Variants in ECD observed in about 807,000 individuals in gnomAD.
ECD encodes the protein ecdysoneless cell cycle regulator.
ECD carries 59 observed loss-of-function variants against 77.2 expected under a neutral mutation model. That is an observed-to-expected ratio of 0.76 (90% CI 0.62 to 0.95). The LOEUF is 0.95. Ranked by LOEUF, ECD falls within the 40% of genes least tolerant of loss-of-function variation. The pLI, the probability that ECD is intolerant of heterozygous loss-of-function variation, is 0.00. For missense variants in ECD, 704 were observed against 763.4 expected, an observed-to-expected ratio of 0.92 and a Z score of 0.92; for synonymous variants, 233 against 267.4, an observed-to-expected ratio of 0.87 and a Z score of 1.26.
intron 9 of ECD, chr10:73,141,633 G>A (rs1205696900): frequency 1.3e-5 from 2 of 152,236 alleles, no homozygotes; most frequent in African/African-American, 4.8e-5. Flanking sequence ...TTCAACCTTA[G>A]TGAAAGTTTA....
In ECD at chr10:73,136,954, A is replaced by AATT. The variant is rs139531713; in HGVS notation, c.1490-39_1490-37dup. The AATT allele has an allele frequency of 3.9e-4, 384 of 992,434 alleles. 1 individual carries two copies. The East Asian group carries it at 8.2e-3, about 21-fold the overall frequency. 61.5% of individuals were successfully genotyped at this position (992,434 alleles called of 1,614,324 possible). A position where few individuals can be genotyped will look rare whatever the true frequency, so the allele number is the denominator to read the frequency against. ...CCCAAGAAAGAAAGAGCCACTTAGT[A>AATT]ATTATTATTATTATTATTATTATTA... On this transcript the variant is annotated intron_variant, in intron 12 of 13. Coordinates refer to ENST00000372979, the MANE Select transcript of ECD (RefSeq NM_007265.3).
chr10:73,143,172 G>T (rs1325390788), intron 9 of ECD, among the ~76,000 whole-genome samples: 1 of 152,112 alleles, frequency 6.6e-6, no homozygotes, highest in African/African-American at 2.4e-5. Flanking sequence ...TATAAATAAT[G>T]TATTGTTTTG....
intron 9 of ECD, among the ~76,000 whole-genome samples, chr10:73,141,641 T>C (rs1044753743): frequency 6.6e-6 from 1 of 152,212 alleles, no homozygotes; most frequent in Non-Finnish European, 1.5e-5. Flanking sequence ...TAGTGAAAGT[T>C]TATTACCTTC....
At chr10:73,153,208 C>T (rs1333795753) in intron 6 of ECD, among the ~76,000 whole-genome samples, 1 of 151,890 alleles carries the variant, frequency 6.6e-6, no homozygotes. Flanking sequence ...ATCCTCCTAC[C>T]TCAGCCTCCG....
rs370778375 is a variant in ECD at position 73,152,334 on chromosome 10, A to G, written c.871T>C (p.Ser291Pro). 8.1e-6 allele frequency: 13 copies of G among 1,613,804 alleles called. No homozygotes were observed. In the African/African-American group the frequency reaches 1.6e-4, roughly 20 times the overall value. ...RRSGYRLPPPSDPQYRAHELG... is the reference protein window; with the variant it reads ...RRSGYRLPPPPDPQYRAHELG... ...TCATGGGCTCGGTACTGGGGATCAG[A>G]TGGAGGAGGCAGCCTGTATCCACTC... The change falls in exon 7 of 14, where the codon TCT (serine) becomes CCT (proline). Residue 291 changes from serine to proline, a missense_variant. This residue lies in a region of ECD where 559 missense variants were observed against 583.7 expected (regional missense o/e 0.96). Transcript: ENST00000372979.
intron 7 of ECD, among the ~76,000 whole-genome samples, chr10:73,151,895 A>G (rs1843213059): frequency 6.6e-6 from 1 of 152,186 alleles, no homozygotes; most frequent in Non-Finnish European, 1.5e-5. Flanking sequence ...CCGTGCAGAA[A>G]TGCTTAATTT....
chr10:73,141,327 C>T (rs1320478120), intron 9 of ECD: 3 of 151,646 alleles, frequency 2.0e-5, no homozygotes, highest in East Asian at 3.9e-4. Flanking sequence ...CACAGTGAAA[C>T]CCCGTCTCTA....
In ECD at chr10:73,134,380, C is replaced by T. The variant is rs1842953967; in HGVS notation, c.*203G>A. 7.1e-6 allele frequency: 4 copies of T among 564,424 alleles called. No homozygotes were observed. Among genetic ancestry groups the T allele is most frequent in the East Asian group, 3.0e-5 (1 of 33,704 alleles). The allele number at this position is 564,424 out of a possible 1,614,324, so 35.0% of individuals were successfully genotyped here. Reference sequence around the variant, plus strand: ...GTCTAGGGGCTAGATTCTACCCTGCCGAGTTCAAAACCTGTGTATAACCCA... The same window carrying T: ...GTCTAGGGGCTAGATTCTACCCTGCTGAGTTCAAAACCTGTGTATAACCCA... On this transcript the variant is annotated 3_prime_UTR_variant, in exon 14 of 14. Coordinates refer to ENST00000372979, the MANE Select transcript of ECD (RefSeq NM_007265.3).
chr10:73,149,871 C>G (rs1449987020), intron 7 of ECD, among the ~76,000 whole-genome samples: 1 of 152,032 alleles, frequency 6.6e-6, no homozygotes, highest in Non-Finnish European at 1.5e-5. Context: ...ATTATCAAGC[C>G]GTTTGATACT....
chr10:73,154,321 G>C lies in ECD; in HGVS notation c.718C>G (p.Pro240Ala), dbSNP rs1843265825. Residue 240 changes from proline (P) to alanine (A), a missense_variant, in exon 6 of 14, where the codon CCT becomes GCT. Physicochemically the swap from Pro to Ala is conservative, Grantham distance 27. Transcript: ENST00000372979. ...AAVQAFYLRDPIDLRACRVFK... is the reference protein window; with the variant it reads ...AAVQAFYLRDAIDLRACRVFK... ...ACACGACAAGCTCGCAGGTCAATAG[G>C]GTCTCGTAGGTAAAATGCCTGGACT... 6.2e-7 allele frequency: 1 copy of C among 1,614,008 alleles called. No homozygotes were observed. The highest frequency in any genetic ancestry group is 2.2e-5 in the East Asian group (1 of 44,862).
chr10:73,151,529 TAAAA>T (rs61450651), intron 7 of ECD, among the ~76,000 whole-genome samples: 1 of 136,790 alleles, frequency 7.3e-6, no homozygotes, highest in Non-Finnish European at 1.6e-5. Context: ...AGCATAATAA[TAAAA>T]AAAAAAAGAA....
At position 73,139,486 on chromosome 10, in the gene ECD, C is replaced by T; in HGVS notation, c.1244G>A (p.Trp415Ter). The change falls in exon 11 of 14, where the codon TGG becomes TAG. Residue 415 changes from tryptophan (W) to a stop codon, truncating the protein, a stop_gained. Coordinates refer to ENST00000372979, the MANE Select transcript of ECD (RefSeq NM_007265.3). LOFTEE classifies it high-confidence loss of function. ...ANLPPEDDDQWLDLSPDQLDQ... is the reference protein window; with the variant it reads ...ANLPPEDDDQ ...CAGCTGATCTGGTGAGAGATCTAACCACTGGTCATCTGAAAAAGAAGAAAG... is the reference window on the plus strand; with the variant it reads ...CAGCTGATCTGGTGAGAGATCTAACTACTGGTCATCTGAAAAAGAAGAAAG... 1 of 1,612,828 alleles carries T rather than the reference C, an allele frequency of 6.2e-7. No individual in the cohort carries two copies. The highest frequency in any genetic ancestry group is 8.5e-7 in the Non-Finnish European group (1 of 1,179,648).
chr10:73,136,040 T>G (rs969873198), intron 13 of ECD, among the ~76,000 whole-genome samples: 1 of 152,198 alleles, frequency 6.6e-6, no homozygotes, highest in African/African-American at 2.4e-5. Context: ...TTTTATGATA[T>G]GAGGATTACT....
intron 12 of ECD, 140 bp from the exon 13 acceptor site, chr10:73,137,058 C>T (rs1315176804): frequency 8.0e-6 from 3 of 376,836 alleles, no homozygotes; most frequent in Non-Finnish European, 1.2e-5. Context: ...AGTCAGTCTA[C>T]TTCACAAAAA....
At chr10:73,152,914 C>CAAAAAAAAA (rs146290115) in intron 6 of ECD, among the ~76,000 whole-genome samples, 2 of 148,852 alleles carry the variant, frequency 1.3e-5, no homozygotes, top group African/African-American at 5.1e-5. Context: ...GACACTGTTG[C>CAAAAAAAAA]AAAAAAAATT....
chr10:73,143,510 C>T (rs1279815489), intron 9 of ECD, among the ~76,000 whole-genome samples: 1 of 152,102 alleles, frequency 6.6e-6, no homozygotes, highest in Non-Finnish European at 1.5e-5. Context: ...GTGTAACATC[C>T]ACACGGTATA....
At chr10:73,138,197 G>C in intron 11 of ECD, 127 bp from the exon 12 acceptor site, 1 of 672,630 alleles carries the variant, frequency 1.5e-6, no homozygotes, top group South Asian at 3.4e-5. Flanking sequence ...AGCAAGAAAA[G>C]TTGTAGTTTA....
chr10:73,147,228 G>A (rs1843141767), intron 8 of ECD, among the ~76,000 whole-genome samples: 1 of 151,156 alleles, frequency 6.6e-6, no homozygotes, highest in African/African-American at 2.4e-5. Flanking sequence ...GCGTGACAAA[G>A]CAAGACCCTA....
intron 7 of ECD, 51 bp downstream of exon 7, chr10:73,152,242 A>G: frequency 6.3e-7 from 1 of 1,592,982 alleles, no homozygotes; most frequent in Non-Finnish European, 8.6e-7. Flanking sequence ...TATTCTATTA[A>G]GAGTCCATTT....
Sources: gnomAD v4.1 joint callset for allele counts (sites outside exome capture counted in the v4.1 genomes callset) on GRCh38, gnomAD v4.1.1 for gene constraint, gnomAD v4.1.1 regional missense constraint, MANE v1.5 for transcripts, NCBI Gene and HGNC (gene_info 2026-07-23, HGNC 2026-07-21) for gene names.